SPINK4: variants seen among roughly 807,000 people sequenced by gnomAD.
The protein encoded by SPINK4 is serine protease inhibitor Kazal-type 4.
SPINK4 carries 10 observed loss-of-function variants against 12.3 expected under a neutral mutation model. The ratio of observed to expected loss-of-function variants is 0.81; its 90% CI spans 0.50 to 1.37. SPINK4 has a LOEUF of 1.37. Among genes scored for constraint, SPINK4 ranks in the 40% most tolerant of loss-of-function variants. The pLI is 0.00. For synonymous variants in SPINK4, 37 were observed against 40.2 expected (o/e 0.92, Z 0.30); for missense variants, 91 against 109.0 (o/e 0.84, Z 0.73).
In SPINK4 at chr9:33,240,193, C is replaced by T. The variant is rs1205631156; in HGVS notation, c.-16C>T. On this transcript the variant is annotated 5_prime_UTR_variant, in exon 1 of 4. Coordinates refer to ENST00000379721, the MANE Select transcript of SPINK4 (RefSeq NM_014471.3). ...CAGGCCCCAGCCAGCTCAGGCTACA[C>T]TATCCCAGGATCAGCATGGCCGTCC... 5.0e-6 allele frequency: 8 copies of T among 1,598,632 alleles called. No individual in the cohort carries two copies. In the East Asian group the frequency reaches 1.6e-4, roughly 32 times the overall value.
At chr9:33,243,034 C>T (rs889832643) in intron 1 of SPINK4, among the ~76,000 whole-genome samples, 5 of 151,992 alleles carry the variant, frequency 3.3e-5, no homozygotes, top group African/African-American at 9.7e-5. Flanking sequence ...TGCCACCACA[C>T]TCAGCTAATT....
At chr9:33,243,851 C>T (rs137931010) in intron 1 of SPINK4, among the ~76,000 whole-genome samples, 168 of 152,292 alleles carry the variant, frequency 1.1e-3, no homozygotes, top group African/African-American at 3.9e-3. Flanking sequence ...GTAATAGCAT[C>T]TCCAGGAAAA....
intron 1 of SPINK4, 130 bp downstream of exon 1, chr9:33,240,399 A>G: frequency 1.3e-6 from 1 of 744,932 alleles, no homozygotes; most frequent in Middle Eastern, 3.9e-4. Flanking sequence ...CTGCATATGC[A>G]CCCTCCACTG....
intron 1 of SPINK4, among the ~76,000 whole-genome samples, chr9:33,243,691 T>C (rs891438954): frequency 2.6e-5 from 4 of 152,224 alleles, no homozygotes; most frequent in Admixed American, 1.3e-4. Flanking sequence ...TTTGGATCAC[T>C]TTCAGTTTGG....
chr9:33,248,255 G>A, intron 3 of SPINK4, 171 bp from the exon 4 acceptor site: 2 of 630,122 alleles, frequency 3.2e-6, no homozygotes, highest in Non-Finnish European at 5.4e-6. Context: ...GTACAAAAAA[G>A]GAAAAGCTGT....
chr9:33,244,863 G>T (rs1423550250), intron 1 of SPINK4, among the ~76,000 whole-genome samples: 1 of 152,150 alleles, frequency 6.6e-6, no homozygotes, highest in African/African-American at 2.4e-5. Context: ...ATTCCAGTGG[G>T]ATCTAACTAA....
At chr9:33,245,205 C>G (rs569663089) in intron 2 of SPINK4, 53 bp downstream of exon 2, 1 of 1,566,402 alleles carries the variant, frequency 6.4e-7, no homozygotes, top group African/African-American at 1.4e-5. Flanking sequence ...GGAGTCCTCT[C>G]GTCCATGCTG....
chr9:33,245,746 C>G (rs1313353006), intron 2 of SPINK4, among the ~76,000 whole-genome samples: 1 of 152,188 alleles, frequency 6.6e-6, no homozygotes, highest in Admixed American at 6.5e-5. Context: ...TCAGCATCGT[C>G]CCCGTCAGTC....
At chr9:33,241,772 C>A (rs1187448081) in intron 1 of SPINK4, among the ~76,000 whole-genome samples, 1 of 152,110 alleles carries the variant, frequency 6.6e-6, no homozygotes, top group African/African-American at 2.4e-5. Flanking sequence ...CAAGGGCAGC[C>A]TGGGGGTAAA....
intron 1 of SPINK4, among the ~76,000 whole-genome samples, chr9:33,244,129 C>T (rs1242252907): frequency 1.3e-5 from 2 of 152,206 alleles, no homozygotes; most frequent in Non-Finnish European, 2.9e-5. Flanking sequence ...CCCTTCCTTC[C>T]ACCTGTGCCA....
At position 33,246,632 on chromosome 9, in the gene SPINK4, T is replaced by C; in HGVS notation, c.119T>C (p.Met40Thr). 6.2e-7 allele frequency: 1 copy of C among 1,613,914 alleles called. No individual in the cohort carries two copies. The highest frequency in any genetic ancestry group is 8.5e-7 in the Non-Finnish European group (1 of 1,179,926). The change falls in exon 3 of 4, where the codon ATG (methionine) becomes ACG (threonine). Residue 40 changes from methionine (M) to threonine (T), a missense_variant. Coordinates refer to ENST00000379721, the MANE Select transcript of SPINK4 (RefSeq NM_014471.3). Reference sequence around the variant, plus strand: ...CTTCCACAGCCCATCTGTGAACACATGGTAGAGTCTCCAACCTGTTCCCAG... The same window carrying C: ...CTTCCACAGCCCATCTGTGAACACACGGTAGAGTCTCCAACCTGTTCCCAG... ...PFSRMPICEH[M>T]VESPTCSQMS... is the part of the protein sequence containing the mutation.
chr9:33,241,449 A>G (rs1161966459), intron 1 of SPINK4, among the ~76,000 whole-genome samples: 1 of 152,192 alleles, frequency 6.6e-6, no homozygotes, highest in Non-Finnish European at 1.5e-5. Context: ...CCTGGACAAA[A>G]GCCATAAGTT....
At chr9:33,245,556 C>A (rs1003919911) in intron 2 of SPINK4, among the ~76,000 whole-genome samples, 1 of 152,200 alleles carries the variant, frequency 6.6e-6, no homozygotes. Flanking sequence ...CCTCCCACCA[C>A]CACATTCCAT....
At chr9:33,243,326 G>C (rs960585900) in intron 1 of SPINK4, among the ~76,000 whole-genome samples, 1 of 152,152 alleles carries the variant, frequency 6.6e-6, no homozygotes, top group Non-Finnish European at 1.5e-5. Flanking sequence ...ACCTGCCTCA[G>C]CTTCCCAAAG....
intron 1 of SPINK4, among the ~76,000 whole-genome samples, chr9:33,244,555 G>A (rs1250032939): frequency 6.6e-6 from 1 of 152,176 alleles, no homozygotes; most frequent in African/African-American, 2.4e-5. Context: ...ATGGGATATG[G>A]GCTGTTCCTG....
intron 3 of SPINK4, 55 bp from the exon 4 acceptor site, chr9:33,248,371 T>C: frequency 1.3e-6 from 2 of 1,599,282 alleles, no homozygotes. Context: ...GGTCCCTGAA[T>C]GGTACACTAC....
chr9:33,245,029 C>G (rs1820271989), intron 1 of SPINK4, 83 bp from the exon 2 acceptor site: 27 of 1,419,988 alleles, frequency 1.9e-5, no homozygotes, highest in Non-Finnish European at 2.5e-5. Flanking sequence ...GGACCAAGCT[C>G]CCTGAAGCAG....
At chr9:33,246,534 C>G in intron 2 of SPINK4, 82 bp from the exon 3 acceptor site, 2 of 1,264,868 alleles carry the variant, frequency 1.6e-6, no homozygotes, top group South Asian at 2.4e-5. Context: ...CACTGGGGCC[C>G]CACTGGTTCC....
chr9:33,246,827 G>T (rs999028333), intron 3 of SPINK4, 99 bp downstream of exon 3: 19 of 1,009,814 alleles, frequency 1.9e-5, no homozygotes, highest in Non-Finnish European at 2.7e-5. Context: ...CTTCATACAC[G>T]CTTGACCTGA....
Sources: allele counts gnomAD v4.1 joint callset (sites outside exome capture counted in the v4.1 genomes callset), GRCh38; gene constraint gnomAD v4.1.1; transcripts MANE v1.5; gene names NCBI Gene and HGNC (gene_info 2026-07-23, HGNC 2026-07-21).